LGMN: variants seen among roughly 807,000 people sequenced by gnomAD.
The protein encoded by LGMN is legumain.
In LGMN, 36 loss-of-function variants were observed where a neutral mutation model predicts 56.8. The ratio of observed to expected loss-of-function variants is 0.63; its 90% CI spans 0.49 to 0.84. The LOEUF (loss-of-function observed/expected upper bound fraction) is 0.84. Ranked by LOEUF, LGMN falls within the 40% of genes least tolerant of loss-of-function variation. The pLI, the probability that LGMN is intolerant of heterozygous loss-of-function variation, is 0.00. For synonymous variants in LGMN, 199 were observed against 210.1 expected (o/e 0.95, Z 0.46); for missense variants, 446 against 556.1 (o/e 0.80, Z 1.99).
intron 1 of LGMN, among the ~76,000 whole-genome samples, chr14:92,744,740 C>T (rs1006866515): frequency 3.9e-5 from 6 of 151,942 alleles, no homozygotes; most frequent in Admixed American, 3.3e-4. Context: ...GGATTACAGG[C>T]ATGCACCACC....
chr14:92,704,866 T>C (rs371986809), intron 12 of LGMN, 159 bp from the exon 13 acceptor site: 1 of 635,958 alleles, frequency 1.6e-6, no homozygotes. Context: ...GTGATATTTA[T>C]GGACGATCCC....
chr14:92,713,922 GA>G, intron 6 of LGMN, 37 bp from the exon 7 acceptor site: 1 of 1,504,670 alleles, frequency 6.6e-7, no homozygotes, highest in Non-Finnish European at 9.3e-7. Flanking sequence ...AACACATCAA[GA>G]GAAACTATTT....
chr14:92,705,241 C>T (rs1239772592), intron 12 of LGMN, among the ~76,000 whole-genome samples: 2 of 152,176 alleles, frequency 1.3e-5, no homozygotes, highest in Non-Finnish European at 2.9e-5. Context: ...GTGGCTCATG[C>T]TTGTAATCCC....
intron 2 of LGMN, among the ~76,000 whole-genome samples, chr14:92,720,781 G>C (rs1430233849): frequency 6.6e-6 from 1 of 152,166 alleles, no homozygotes; most frequent in Non-Finnish European, 1.5e-5. Context: ...AGAGCAAAGG[G>C]TTATTAAGAT....
intron 1 of LGMN, among the ~76,000 whole-genome samples, chr14:92,734,851 G>T (rs567216739): frequency 6.6e-6 from 1 of 152,292 alleles, no homozygotes; most frequent in African/African-American, 2.4e-5. Context: ...AATGCCACAA[G>T]CAGGGCTGGT....
intron 1 of LGMN, among the ~76,000 whole-genome samples, chr14:92,744,067 T>G (rs936668225): frequency 1.4e-5 from 2 of 147,806 alleles, no homozygotes; most frequent in Non-Finnish European, 3.0e-5. Flanking sequence ...GGAAGGAGAA[T>G]CGCTTGAACC....
At chr14:92,733,693 G>A (rs1161408329) in intron 1 of LGMN, 1 of 152,214 alleles carries the variant, frequency 6.6e-6, no homozygotes, top group Non-Finnish European at 1.5e-5. Context: ...TGTAGTCTCA[G>A]CTACTTGGGA....
At chr14:92,740,252 A>AAAAGAAAG (rs749775052) in intron 1 of LGMN, among the ~76,000 whole-genome samples, 1 of 152,190 alleles carries the variant, frequency 6.6e-6, no homozygotes, top group East Asian at 1.9e-4. Context: ...CCGTCTCAAA[A>AAAAGAAAG]AAAGAAAGAA....
rs1890205328 is a variant in LGMN at position 92,718,864 on chromosome 14, G to C, written c.139-20C>G. 1 of 1,599,214 alleles carries C rather than the reference G, an allele frequency of 6.3e-7. No individual in the cohort carries two copies. The highest frequency in any genetic ancestry group is 8.6e-7 in the Non-Finnish European group (1 of 1,167,036). ...GTCTGCCTGGGAGAAATGATTTGGT[G>C]AAGTTTTAGATCTTGCCTGGGAGGC... On this transcript the variant is annotated intron_variant, in intron 2 of 13. Coordinates refer to ENST00000334869, the MANE Select transcript of LGMN (RefSeq NM_005606.7).
Position 92,719,133 on chromosome 14 carries a change from C to T in LGMN, c.139-289G>A, listed in dbSNP as rs1186553413. Among the ~76,000 whole-genome samples, 477 of 147,246 alleles carry T rather than the reference C, an allele frequency of 3.2e-3. 5 individuals are homozygous for T. Among genetic ancestry groups the T allele is most frequent in the African/African-American group, 0.012 (456 of 39,626 alleles). ...ATACACACCCCACCACCACAACCAC[C>T]GCCACCGCCACCACCACCGCCACTG... On this transcript the variant is annotated intron_variant, in intron 2 of 13. Coordinates refer to ENST00000334869, the MANE Select transcript of LGMN (RefSeq NM_005606.7).
chr14:92,719,067 C>G (rs528237113), intron 2 of LGMN, among the ~76,000 whole-genome samples: 2 of 152,166 alleles, frequency 1.3e-5, no homozygotes, highest in African/African-American at 4.8e-5. Flanking sequence ...CTAGTGCACA[C>G]GTGGGCTACG....
chr14:92,707,272 C>A (rs912300809), intron 11 of LGMN, among the ~76,000 whole-genome samples: 2 of 151,614 alleles, frequency 1.3e-5, no homozygotes, highest in African/African-American at 4.8e-5. Flanking sequence ...AACCTTCACT[C>A]TACAAGCAAG....
At chr14:92,709,896 G>C in intron 10 of LGMN, 24 bp from the exon 11 acceptor site, 1 of 1,556,920 alleles carries the variant, frequency 6.4e-7, no homozygotes, top group Non-Finnish European at 8.7e-7. Context: ...CAGCAAGAGA[G>C]AGCGAGAGAG....
At chr14:92,708,578 T>C (rs1002384461) in intron 11 of LGMN, among the ~76,000 whole-genome samples, 4 of 152,180 alleles carry the variant, frequency 2.6e-5, no homozygotes, top group Non-Finnish European at 5.9e-5. Flanking sequence ...ACTAGATATG[T>C]GCATTTAAAA....
intron 1 of LGMN, among the ~76,000 whole-genome samples, chr14:92,746,762 C>T (rs1891836944): frequency 6.6e-6 from 1 of 152,178 alleles, no homozygotes. Flanking sequence ...ACCAGCCGGG[C>T]GCGGTGGCTC....
intron 1 of LGMN, among the ~76,000 whole-genome samples, chr14:92,748,055 T>C (rs1015566712): frequency 3.9e-5 from 6 of 152,140 alleles, no homozygotes; most frequent in African/African-American, 1.4e-4. Context: ...TTGTCGTCGT[T>C]AATAGCCCTT....
rs753232604 is a variant in LGMN at position 92,717,415 on chromosome 14, C to T, written c.283G>A (p.Val95Ile). 1.2e-6 allele frequency: 2 copies of T among 1,613,500 alleles called. No individual in the cohort carries two copies. Among genetic ancestry groups the T allele is most frequent in the South Asian group, 1.1e-5 (1 of 91,042 alleles). Residue 95 changes from valine (V) to isoleucine (I), a missense_variant, in exon 4 of 14, where the codon GTC becomes ATC. Transcript: ENST00000334869. ...IVINRPNGTD[V>I]YQGVPKDYTG... is the part of the protein sequence containing the mutation. ...TAGTCCTTCGGGACTCCCTGATAGA[C>T]ATCTGTGCCATTGGGCCTGTTGATC...
rs550006422 is a variant in LGMN at position 92,731,820 on chromosome 14, G to A, written c.138+829C>T. ...TCTCTTAAGGACATACTTAGGAGCG[G>A]AATTGCTGGGTCATATGTTCAATTT... On this transcript the variant is annotated intron_variant, in intron 2 of 13. Transcript: ENST00000334869. 8.5e-5 allele frequency among the ~76,000 whole-genome samples: 13 copies of A among 152,314 alleles called. No homozygotes were observed. In the South Asian group the frequency reaches 2.3e-3, roughly 27 times the overall value.
intron 11 of LGMN, among the ~76,000 whole-genome samples, chr14:92,708,345 T>C (rs932015198): frequency 1.3e-5 from 2 of 151,886 alleles, no homozygotes; most frequent in Non-Finnish European, 2.9e-5. Flanking sequence ...ACTCCTGTAA[T>C]CCCAGCACTT....
Sources: allele counts gnomAD v4.1 joint callset (sites outside exome capture counted in the v4.1 genomes callset), GRCh38; gene constraint gnomAD v4.1.1; transcripts MANE v1.5; gene names NCBI Gene and HGNC (gene_info 2026-07-23, HGNC 2026-07-21).